Variants in SANBR observed in about 807,000 individuals in gnomAD.
SANBR encodes the protein SANT and BTB domain regulator of class switch recombination.
A neutral mutation model predicts 101.8 loss-of-function variants in SANBR; 77 were observed. The ratio of observed to expected loss-of-function variants is 0.76; its 90% CI spans 0.63 to 0.91. SANBR has a LOEUF of 0.91. SANBR is among the 40% of genes least tolerant of loss of function. The pLI is 0.00. For missense variants in SANBR, 875 were observed against 853.0 expected, an observed-to-expected ratio of 1.03 and a Z score of -0.32; for synonymous variants, 279 against 274.7, an observed-to-expected ratio of 1.02 and a Z score of -0.15.
chr2:61,083,515 G>A (rs551498813), intron 8 of SANBR, among the ~76,000 whole-genome samples: 1 of 149,950 alleles, frequency 6.7e-6, no homozygotes, highest in Admixed American at 6.7e-5. Context: ...TCCCACCTCA[G>A]CCTCCCAAGT....
Position 61,083,245 on chromosome 2 carries a change from C to T in SANBR, c.821C>T (p.Thr274Ile). The change falls in exon 8 of 22, where the codon ACA becomes ATA. Residue 274 changes from threonine to isoleucine, a missense_variant. Physicochemically the swap from Thr to Ile is moderately conservative, Grantham distance 89. Coordinates refer to ENST00000402291, the MANE Select transcript of SANBR (RefSeq NM_001129993.3). ...NMNCINANLLTRIADLFSHNE... is the reference protein window; with the variant it reads ...NMNCINANLLIRIADLFSHNE... Reference sequence around the variant, plus strand: ...AACTGTATTAATGCAAATCTTCTCACACGTATAGCTGATCTGTTCTCACAC... The same window carrying T: ...AACTGTATTAATGCAAATCTTCTCATACGTATAGCTGATCTGTTCTCACAC... 1 of 1,610,144 alleles carries T rather than the reference C, an allele frequency of 6.2e-7. No individual in the cohort carries two copies. Among genetic ancestry groups the T allele is most frequent in the Non-Finnish European group, 8.5e-7 (1 of 1,176,460 alleles).
At chr2:61,094,714 G>A (rs1682944952) in intron 11 of SANBR, among the ~76,000 whole-genome samples, 1 of 146,254 alleles carries the variant, frequency 6.8e-6, no homozygotes, top group South Asian at 2.1e-4. Context: ...CGCCATCTTG[G>A]CTCACTGCAA....
intron 1 of SANBR, among the ~76,000 whole-genome samples, chr2:61,068,296 A>G (rs957382063): frequency 6.6e-6 from 1 of 152,202 alleles, no homozygotes; most frequent in Non-Finnish European, 1.5e-5. Context: ...TTACTTTGAG[A>G]TGACCAACTC....
rs1684163557 is a variant in SANBR at position 61,118,093 on chromosome 2, G to A, written c.2005G>A (p.Val669Ile). 6.2e-7 allele frequency: 1 copy of A among 1,613,166 alleles called. No homozygotes were observed. Among genetic ancestry groups the A allele is most frequent in the Admixed American group, 1.7e-5 (1 of 59,916 alleles). ...AATGAGATTGGGGGATCTGGACCGA[G>A]TCAAGTCAAAGGAAGCAAAAGAAGT... ...IKMRLGDLDR[V>I]KSKEAKEFAG... The change falls in exon 20 of 22, where the codon GTC becomes ATC. Residue 669 changes from valine to isoleucine, a missense_variant. Physicochemically the swap from Val to Ile is conservative, Grantham distance 29 (BLOSUM62 3). Transcript: ENST00000402291.
chr2:61,116,807 C>T (rs1035528764), intron 17 of SANBR, among the ~76,000 whole-genome samples: 6 of 152,076 alleles, frequency 3.9e-5, no homozygotes, highest in African/African-American at 1.4e-4. Context: ...AATCCTAGCA[C>T]TTTGGGAGGT....
In SANBR at chr2:61,123,154, A is replaced by C. The variant is rs984563335; in HGVS notation, c.*992A>C. ...CAGGCAGAAAGAGTGCTCAGGGAAA[A>C]TTTGTTCCAAACTATAACCATATAA... On this transcript the variant is annotated 3_prime_UTR_variant, in exon 22 of 22. Transcript: ENST00000402291. 2.0e-6 allele frequency: 2 copies of C among 981,292 alleles called. No individual in the cohort carries two copies. The highest frequency in any genetic ancestry group is 1.8e-5 in the African/African-American group (1 of 57,142). 60.8% of individuals were successfully genotyped at this position (981,292 alleles called of 1,614,324 possible). A position where few individuals can be genotyped will look rare whatever the true frequency, so the allele number is the denominator to read the frequency against.
At chr2:61,100,394 G>A (rs1270300837) in intron 12 of SANBR, among the ~76,000 whole-genome samples, 1 of 152,162 alleles carries the variant, frequency 6.6e-6, no homozygotes, top group Non-Finnish European at 1.5e-5. Flanking sequence ...GTGAGCCACC[G>A]TGCCTGGCCT....
intron 21 of SANBR, chr2:61,121,501 C>G (rs1684330649): frequency 8.0e-6 from 3 of 375,932 alleles, no homozygotes. Flanking sequence ...GCTTGTTGGA[C>G]TAGCTTCATT....
rs553175286 is a variant in SANBR at position 61,090,045 on chromosome 2, G to C, written c.1088+1577G>C. 3.9e-5 allele frequency among the ~76,000 whole-genome samples: 6 copies of C among 152,228 alleles called. No individual in the cohort carries two copies. In the South Asian group the frequency reaches 1.2e-3, roughly 32 times the overall value. On this transcript the variant is annotated intron_variant, in intron 10 of 21. Coordinates refer to ENST00000402291, the MANE Select transcript of SANBR (RefSeq NM_001129993.3). ...AGCTGAGCATGGCAATCCTAGCTAG[G>C]AGTCTGAGGCAGGAGGATCATTTGA...
chr2:61,098,302 C>T (rs938196921), intron 12 of SANBR, among the ~76,000 whole-genome samples: 12 of 151,958 alleles, frequency 7.9e-5, no homozygotes, highest in African/African-American at 2.7e-4. Context: ...CAGGGTTTCG[C>T]CATGTTGCCC....
chr2:61,089,496 C>G (rs1330606003), intron 10 of SANBR: 2 of 151,638 alleles, frequency 1.3e-5, no homozygotes, highest in Non-Finnish European at 2.9e-5. Flanking sequence ...CAGAGCAAGA[C>G]TCCATCTGAA....
chr2:61,072,888 C>T (rs528021735), intron 4 of SANBR, among the ~76,000 whole-genome samples: 25 of 112,672 alleles, frequency 2.2e-4, no homozygotes, highest in Admixed American at 3.9e-4. Context: ...ATGGTGGTTG[C>T]GCTGTGTTGC....
intron 5 of SANBR, among the ~76,000 whole-genome samples, chr2:61,076,524 A>G (rs1469708700): frequency 6.7e-6 from 1 of 149,036 alleles, no homozygotes; most frequent in African/African-American, 2.4e-5. Context: ...GCTACTCAGG[A>G]GGCTGAGGCA....
chr2:61,066,814 G>A (rs1681199972), intron 1 of SANBR, among the ~76,000 whole-genome samples: 1 of 152,066 alleles, frequency 6.6e-6, no homozygotes, highest in Non-Finnish European at 1.5e-5. Context: ...ATTAATACAT[G>A]TATATTAAAT....
chr2:61,089,210 A>G, intron 10 of SANBR: 1 of 985,100 alleles, frequency 1.0e-6, no homozygotes, highest in Non-Finnish European at 1.2e-6. Flanking sequence ...ATACTTTGTC[A>G]GTATTTCATT....
rs1466643936 is a variant in SANBR at position 61,117,560 on chromosome 2, T to G, written c.1939+20T>G. ...AAGACGGTAAATTTTATTATTTGGG[T>G]AATGTACAAATTGGATGTAAATAGC... On this transcript the variant is annotated intron_variant, in intron 19 of 21. Coordinates refer to ENST00000402291, the MANE Select transcript of SANBR (RefSeq NM_001129993.3). 1 of 1,581,772 alleles carries G rather than the reference T, an allele frequency of 6.3e-7. No individual in the cohort carries two copies. The highest frequency in any genetic ancestry group is 1.1e-5 in the South Asian group (1 of 90,324).
intron 10 of SANBR, among the ~76,000 whole-genome samples, chr2:61,091,487 G>A (rs762272472): frequency 2.0e-5 from 3 of 151,870 alleles, no homozygotes; most frequent in Admixed American, 6.6e-5. Context: ...CCAGCTCCTC[G>A]GGAGGCTGAG....
intron 5 of SANBR, among the ~76,000 whole-genome samples, 178 bp downstream of exon 5, chr2:61,073,729 T>G (rs895203795): frequency 2.0e-5 from 3 of 152,030 alleles, no homozygotes; most frequent in Admixed American, 1.3e-4. Flanking sequence ...TTATTATTTA[T>G]AAATTGGATT....
intron 6 of SANBR, 90 bp from the exon 7 acceptor site, chr2:61,081,362 G>A (rs1682114449): frequency 1.1e-5 from 14 of 1,227,084 alleles, no homozygotes; most frequent in Non-Finnish European, 1.6e-5. Flanking sequence ...TCTTATTCCA[G>A]TAATGTCCTC....
Sources: gnomAD v4.1 joint callset for allele counts (sites outside exome capture counted in the v4.1 genomes callset) on GRCh38, gnomAD v4.1.1 for gene constraint, MANE v1.5 for transcripts, NCBI Gene and HGNC (gene_info 2026-07-23, HGNC 2026-07-21) for gene names.